Variants in ST6GALNAC3 observed in about 807,000 individuals in gnomAD.
The protein encoded by ST6GALNAC3 is alpha-N-acetylgalactosaminide alpha-2,6-sialyltransferase 3.
Under a neutral mutation model 32.7 loss-of-function variants are expected in ST6GALNAC3, and 25 were observed. The observed-to-expected ratio is 0.76, with a 90% CI of 0.56 to 1.07. The LOEUF (loss-of-function observed/expected upper bound fraction) is 1.07. ST6GALNAC3 is among the 50% of genes least tolerant of loss of function. The probability of loss-of-function intolerance (pLI) is 0.00; values close to 1 mark genes in which losing one functional copy is unlikely to be tolerated. For synonymous variants in ST6GALNAC3, 129 were observed against 133.1 expected (o/e 0.97, Z 0.21); for missense variants, 355 against 382.4 (o/e 0.93, Z 0.60).
intron 2 of ST6GALNAC3, among the ~76,000 whole-genome samples, chr1:76,391,629 A>G (rs141149180): frequency 6.6e-4 from 88 of 133,846 alleles, no homozygotes; most frequent in Middle Eastern, 3.9e-3. Flanking sequence ...TTCTTTTCCT[A>G]TAGCACATAA....
At chr1:76,272,800 G>C (rs1455236462) in intron 1 of ST6GALNAC3, among the ~76,000 whole-genome samples, 1 of 152,192 alleles carries the variant, frequency 6.6e-6, no homozygotes, top group Admixed American at 6.5e-5. Context: ...TGAAAGAATA[G>C]GCTAACTTAG....
intron 1 of ST6GALNAC3, among the ~76,000 whole-genome samples, chr1:76,083,802 G>C (rs140466155): frequency 1.3e-5 from 2 of 151,520 alleles, no homozygotes; most frequent in African/African-American, 4.9e-5. Context: ...CTTAAAACTC[G>C]GTGTACGTTT....
intron 1 of ST6GALNAC3, among the ~76,000 whole-genome samples, chr1:76,308,699 A>G (rs1661216103): frequency 6.6e-6 from 1 of 152,174 alleles, no homozygotes; most frequent in Non-Finnish European, 1.5e-5. Flanking sequence ...GAAACACGGC[A>G]TTGTGGTGTC....
intron 3 of ST6GALNAC3, among the ~76,000 whole-genome samples, chr1:76,600,496 A>G (rs533244111): frequency 2.6e-5 from 4 of 152,138 alleles, no homozygotes; most frequent in African/African-American, 9.6e-5. Context: ...GACTAGGGAC[A>G]CAAGAACTGA....
intron 3 of ST6GALNAC3, among the ~76,000 whole-genome samples, chr1:76,589,319 A>T (rs1421117017): frequency 6.6e-6 from 1 of 152,100 alleles, no homozygotes; most frequent in Admixed American, 6.5e-5. Context: ...GCACTTTCCC[A>T]GGTTAAAAAG....
chr1:76,484,655 A>G lies in ST6GALNAC3; in HGVS notation c.623+72238A>G, dbSNP rs529824433. Among the ~76,000 whole-genome samples the G allele has an allele frequency of 5.9e-5, 9 of 152,300 alleles. No individual in the cohort carries two copies. In the South Asian group the frequency reaches 1.9e-3, roughly 32 times the overall value. ...AATGGGGTTTTCTAAATATACAATC[A>G]TGTCATCTGCAAACAGGGACAATTT... On this transcript the variant is annotated intron_variant, in intron 3 of 4. Transcript: ENST00000328299.
chr1:76,630,894 C>T lies in ST6GALNAC3; in HGVS notation c.*2088C>T. 1.0e-6 allele frequency: 1 copy of T among 985,630 alleles called. No individual in the cohort carries two copies. The highest frequency in any genetic ancestry group is 1.2e-6 in the Non-Finnish European group (1 of 829,828). 61.1% of individuals were successfully genotyped at this position (985,630 alleles called of 1,614,324 possible). ...ACAAATGTTAAAATTGCCATACAGACTGTTTTTCCCCCTGTTGTTTCACTT... is the reference window on the plus strand; with the variant it reads ...ACAAATGTTAAAATTGCCATACAGATTGTTTTTCCCCCTGTTGTTTCACTT... On this transcript the variant is annotated 3_prime_UTR_variant, in exon 5 of 5. Transcript: ENST00000328299.
intron 1 of ST6GALNAC3, among the ~76,000 whole-genome samples, chr1:76,107,585 CT>C (rs1313162890): frequency 6.6e-6 from 1 of 152,144 alleles, no homozygotes; most frequent in East Asian, 1.9e-4. Context: ...TACACAGGGG[CT>C]TTTTTTCTTC....
rs78378251 is a variant in ST6GALNAC3, at chr1:76,280,434, T to G, written c.19-33371T>G. 3.1e-3 allele frequency among the ~76,000 whole-genome samples: 478 copies of G among 152,284 alleles called. 4 individuals carry two copies. Among genetic ancestry groups the G allele is most frequent in the African/African-American group, 0.011 (450 of 41,556 alleles). On this transcript the variant is annotated intron_variant, in intron 1 of 4. Coordinates refer to ENST00000328299, the MANE Select transcript of ST6GALNAC3 (RefSeq NM_152996.4). ...TGGATTATATTTCTTGCATAGTACT[T>G]TCAGCATTTATCATTTTTGGTAAAT...
intron 3 of ST6GALNAC3, among the ~76,000 whole-genome samples, chr1:76,614,919 A>AG (rs1000433509): frequency 1.3e-5 from 2 of 151,746 alleles, no homozygotes; most frequent in African/African-American, 4.8e-5. Flanking sequence ...CTAGGGTTCC[A>AG]GGGGGTGCAG....
chr1:76,364,276 C>A (rs559376510), intron 2 of ST6GALNAC3, among the ~76,000 whole-genome samples: 1 of 152,106 alleles, frequency 6.6e-6, no homozygotes, highest in Non-Finnish European at 1.5e-5. Flanking sequence ...TGGTCAGGCG[C>A]GGTGGCTCAT....
intron 1 of ST6GALNAC3, among the ~76,000 whole-genome samples, chr1:76,171,840 A>G (rs1161341270): frequency 2.3e-4 from 31 of 134,506 alleles, no homozygotes; most frequent in Non-Finnish European, 3.0e-4. Flanking sequence ...AACAAGAAAA[A>G]AAACACAGAA....
At chr1:76,511,807 A>G (rs1332490574) in intron 3 of ST6GALNAC3, among the ~76,000 whole-genome samples, 1 of 152,232 alleles carries the variant, frequency 6.6e-6, no homozygotes, top group Non-Finnish European at 1.5e-5. Context: ...TGAATATCAA[A>G]ATCAATATGC....
intron 3 of ST6GALNAC3, among the ~76,000 whole-genome samples, chr1:76,555,543 T>TA (rs1664867519): frequency 6.6e-6 from 1 of 152,082 alleles, no homozygotes; most frequent in South Asian, 2.1e-4. Flanking sequence ...AATGTTCTCC[T>TA]AAAGGTGAGA....
At chr1:76,611,432 G>A (rs1344423908) in intron 3 of ST6GALNAC3, among the ~76,000 whole-genome samples, 1 of 152,082 alleles carries the variant, frequency 6.6e-6, no homozygotes, top group Non-Finnish European at 1.5e-5. Flanking sequence ...AAGATTACAT[G>A]TCTCTGAGTT....
chr1:76,411,917 T>A, intron 2 of ST6GALNAC3, 91 bp from the exon 3 acceptor site: 1 of 1,353,138 alleles, frequency 7.4e-7, no homozygotes, highest in Non-Finnish European at 1.0e-6. Flanking sequence ...ATTTGGTAAT[T>A]ATACAATATA....
intron 3 of ST6GALNAC3, among the ~76,000 whole-genome samples, chr1:76,579,559 C>T (rs1014297916): frequency 6.6e-6 from 1 of 151,982 alleles, no homozygotes; most frequent in African/African-American, 2.4e-5. Flanking sequence ...ACATACATTG[C>T]TTGTCCATAG....
intron 1 of ST6GALNAC3, among the ~76,000 whole-genome samples, chr1:76,302,653 A>G (rs1407317632): frequency 6.6e-6 from 1 of 152,000 alleles, no homozygotes; most frequent in Non-Finnish European, 1.5e-5. Context: ...GGCTTTTTAT[A>G]TGCGATAACT....
chr1:76,397,083 A>G (rs1653023452), intron 2 of ST6GALNAC3, among the ~76,000 whole-genome samples: 1 of 152,186 alleles, frequency 6.6e-6, no homozygotes, highest in South Asian at 2.1e-4. Flanking sequence ...TAGTTTAAAA[A>G]TAATTATTCA....
Sources: gnomAD v4.1 joint callset for allele counts (sites outside exome capture counted in the v4.1 genomes callset) on GRCh38, gnomAD v4.1.1 for gene constraint, MANE v1.5 for transcripts, NCBI Gene and HGNC (gene_info 2026-07-23, HGNC 2026-07-21) for gene names.